Variants in ZNF385D observed in about 807,000 individuals in gnomAD.
ZNF385D encodes zinc finger protein 385D.
Under a neutral mutation model 35.8 loss-of-function variants are expected in ZNF385D, and 15 were observed. The ratio of observed to expected loss-of-function variants is 0.42; its 90% CI spans 0.28 to 0.64. The LOEUF is 0.64. Ranked by LOEUF, ZNF385D falls within the 30% of genes least tolerant of loss-of-function variation. ZNF385D has a pLI of 0.23. For synonymous variants in ZNF385D, 212 were observed against 186.8 expected, an observed-to-expected ratio of 1.13 and a Z score of -1.10; for missense variants, 474 against 494.6, an observed-to-expected ratio of 0.96 and a Z score of 0.39.
chr3:22,071,951 T>C (rs1289844612), intron 3 of ZNF385D, among the ~76,000 whole-genome samples: 1 of 152,124 alleles, frequency 6.6e-6, no homozygotes, highest in African/African-American at 2.4e-5. Flanking sequence ...TAACTCATTC[T>C]ATTTACCAAG....
chr3:22,370,369 C>T (rs888172755), intron 2 of ZNF385D, among the ~76,000 whole-genome samples: 1 of 152,190 alleles, frequency 6.6e-6, no homozygotes, highest in African/African-American at 2.4e-5. Context: ...CAAAGAACGT[C>T]ATTCAAGATG....
At chr3:21,518,862 T>C (rs920754288) in intron 3 of ZNF385D, among the ~76,000 whole-genome samples, 57 of 152,294 alleles carry the variant, frequency 3.7e-4, no homozygotes, top group African/African-American at 1.3e-3. Flanking sequence ...AGGATATAGA[T>C]ATATTTATTT....
intron 3 of ZNF385D, among the ~76,000 whole-genome samples, chr3:21,783,286 G>C (rs966822494): frequency 6.6e-6 from 1 of 152,086 alleles, no homozygotes; most frequent in Non-Finnish European, 1.5e-5. Context: ...GTTTAGTTTG[G>C]TCAGGGCTTC....
At chr3:21,824,380 G>T (rs769871166) in intron 3 of ZNF385D, among the ~76,000 whole-genome samples, 1 of 152,144 alleles carries the variant, frequency 6.6e-6, no homozygotes, top group Non-Finnish European at 1.5e-5. Context: ...GTAACACTAT[G>T]CATACCTATA....
intron 1 of ZNF385D, among the ~76,000 whole-genome samples, chr3:21,721,392 C>G (rs991099208): frequency 1.0e-5 from 1 of 96,058 alleles, no homozygotes; most frequent in African/African-American, 4.1e-5. Flanking sequence ...TCTAAAATAG[C>G]CTTCCCATGG....
chr3:21,601,966 C>T (rs1218489550), intron 2 of ZNF385D, among the ~76,000 whole-genome samples: 2 of 152,110 alleles, frequency 1.3e-5, no homozygotes, highest in African/African-American at 4.8e-5. Context: ...AGTCCATTCT[C>T]CTACTGCTAT....
chr3:21,865,485 C>G (rs1697297271), intron 3 of ZNF385D, among the ~76,000 whole-genome samples: 1 of 152,058 alleles, frequency 6.6e-6, no homozygotes, highest in African/African-American at 2.4e-5. Flanking sequence ...ATGTTTATCA[C>G]CAACACTGCT....
chr3:21,564,559 A>G lies in ZNF385D; in HGVS notation c.276+15T>C, dbSNP rs368289600. On this transcript the variant is annotated intron_variant, in intron 3 of 7. Coordinates refer to ENST00000281523, the MANE Select transcript of ZNF385D (RefSeq NM_024697.3). The stretch of plus-strand genomic sequence containing the variant: ...TATTTTTTTTTTTTAAGTGAACACT[A>G]AATGATAAACTTACATCAGAATTAA... 6.8e-7 allele frequency: 1 copy of G among 1,471,294 alleles called. No individual in the cohort carries two copies. 91.1% of individuals were successfully genotyped at this position (1,471,294 alleles called of 1,614,324 possible). A position where few individuals can be genotyped will look rare whatever the true frequency, so the allele number is the denominator to read the frequency against.
intron 2 of ZNF385D, among the ~76,000 whole-genome samples, chr3:22,203,827 A>G (rs986973544): frequency 2.6e-5 from 4 of 152,142 alleles, no homozygotes; most frequent in African/African-American, 9.6e-5. Flanking sequence ...AGTAGAATAG[A>G]GCATCAGGTA....
intron 3 of ZNF385D, among the ~76,000 whole-genome samples, chr3:21,883,567 C>A (rs1698389196): frequency 6.6e-6 from 1 of 151,932 alleles, no homozygotes; most frequent in Admixed American, 6.6e-5. Flanking sequence ...TAAACACATA[C>A]AATTTGACAG....
intron 1 of ZNF385D, among the ~76,000 whole-genome samples, chr3:21,679,041 T>C (rs2066817558): frequency 7.1e-6 from 1 of 140,838 alleles, no homozygotes; most frequent in Non-Finnish European, 1.5e-5. Flanking sequence ...TGATAGTCAA[T>C]TTTCCCTTTT....
chr3:21,547,019 A>G (rs2062397941), intron 3 of ZNF385D, among the ~76,000 whole-genome samples: 1 of 151,988 alleles, frequency 6.6e-6, no homozygotes, highest in Non-Finnish European at 1.5e-5. Flanking sequence ...CCTCTTTCTA[A>G]ATGGGTAGCC....
intron 3 of ZNF385D, among the ~76,000 whole-genome samples, chr3:21,854,113 T>C (rs1025223777): frequency 2.0e-5 from 3 of 151,930 alleles, no homozygotes; most frequent in Admixed American, 6.6e-5. Flanking sequence ...AAGATAGTAC[T>C]GCTGTGATAT....
chr3:21,958,958 A>T (rs1224306296), intron 3 of ZNF385D: 1 of 152,184 alleles, frequency 6.6e-6, no homozygotes, highest in Non-Finnish European at 1.5e-5. Context: ...TCTTTCTTTA[A>T]AGCCCTGAGA....
At chr3:22,256,174 T>C (rs972592959) in intron 2 of ZNF385D, among the ~76,000 whole-genome samples, 3 of 148,816 alleles carry the variant, frequency 2.0e-5, no homozygotes, top group East Asian at 3.9e-4. Context: ...TATATATACA[T>C]ATACATATAC....
At chr3:21,811,324 T>C (rs1208572963) in intron 3 of ZNF385D, among the ~76,000 whole-genome samples, 4 of 151,942 alleles carry the variant, frequency 2.6e-5, no homozygotes, top group Non-Finnish European at 5.9e-5. Context: ...TTTGGGAAAA[T>C]TGCTGAATTT....
intron 3 of ZNF385D, among the ~76,000 whole-genome samples, chr3:22,030,299 A>ATCC (rs1457368726): frequency 2.6e-5 from 3 of 114,758 alleles, no homozygotes; most frequent in African/African-American, 9.8e-5. Flanking sequence ...ATATATATAT[A>ATCC]TATCCTATTT....
In ZNF385D at chr3:21,414,219, A is replaced by AAAAC. The variant is rs1553626830; in HGVS notation, c.*6994_*6995insGTTT. The AAAAC allele has an allele frequency of 6.4e-5, 3 of 46,880 alleles. No homozygotes were observed. The highest frequency in any genetic ancestry group is 1.6e-4 in the African/African-American group (3 of 18,188). The allele number at this position is 46,880 out of a possible 1,614,324, so 2.9% of individuals were successfully genotyped here. A position where few individuals can be genotyped will look rare whatever the true frequency, so the allele number is the denominator to read the frequency against. On this transcript the variant is annotated 3_prime_UTR_variant, in exon 8 of 8. Coordinates refer to ENST00000281523, the MANE Select transcript of ZNF385D (RefSeq NM_024697.3). ...AAAACAAAACAAAACAAAACAAAACAAAAAAAAGTTCAGTTAGGAGACCTT... is the reference window on the plus strand; with the variant it reads ...AAAACAAAACAAAACAAAACAAAACAAAACAAAAAAAGTTCAGTTAGGAGACCTT...
At chr3:21,764,702 A>G (rs2070753666) in intron 3 of ZNF385D, among the ~76,000 whole-genome samples, 1 of 152,166 alleles carries the variant, frequency 6.6e-6, no homozygotes, top group South Asian at 2.1e-4. Flanking sequence ...GTGTTTGACA[A>G]TTGACCCAGT....
Sources: allele counts gnomAD v4.1 joint callset (sites outside exome capture counted in the v4.1 genomes callset), GRCh38; gene constraint gnomAD v4.1.1; transcripts MANE v1.5; gene names NCBI Gene and HGNC (gene_info 2026-07-23, HGNC 2026-07-21).